Variants in FAF1 observed in about 807,000 individuals in gnomAD.
FAF1 encodes the protein FAS-associated factor 1.
FAF1 carries 25 observed loss-of-function variants against 92.5 expected under a neutral mutation model. That is an observed-to-expected ratio of 0.27 (90% CI 0.20 to 0.38). The LOEUF (loss-of-function observed/expected upper bound fraction) is 0.38. Among genes scored for constraint, FAF1 ranks in the 10% least tolerant of loss-of-function variants. The probability of loss-of-function intolerance (pLI) is 1.00; values close to 1 mark genes in which losing one functional copy is unlikely to be tolerated. For missense variants in FAF1, 636 were observed against 793.3 expected, an observed-to-expected ratio of 0.80 and a Z score of 2.38; for synonymous variants, 234 against 273.2, an observed-to-expected ratio of 0.86 and a Z score of 1.42.
intron 1 of FAF1, among the ~76,000 whole-genome samples, chr1:50,928,063 G>A (rs1340771459): frequency 6.6e-6 from 1 of 152,164 alleles, no homozygotes; most frequent in African/African-American, 2.4e-5. Context: ...TGATTTTGCT[G>A]AGGTGAGGAT....
intron 3 of FAF1, among the ~76,000 whole-genome samples, chr1:50,791,289 A>T (rs1661555392): frequency 6.6e-6 from 1 of 152,238 alleles, no homozygotes; most frequent in African/African-American, 2.4e-5. Flanking sequence ...AACTTCTCAG[A>T]ACTGAAGAAA....
At chr1:50,788,656 T>C (rs1051460409) in intron 3 of FAF1, among the ~76,000 whole-genome samples, 7 of 152,170 alleles carry the variant, frequency 4.6e-5, no homozygotes, top group African/African-American at 7.2e-5. Flanking sequence ...CACATCTCAG[T>C]GTTAAAAGGT....
chr1:50,825,813 T>A (rs1002949654), intron 2 of FAF1, among the ~76,000 whole-genome samples: 1 of 152,172 alleles, frequency 6.6e-6, no homozygotes, highest in Admixed American at 6.5e-5. Context: ...TGAAATCACA[T>A]AGTACATTTT....
At chr1:50,767,628 A>G (rs1204298628) in intron 4 of FAF1, among the ~76,000 whole-genome samples, 2 of 152,222 alleles carry the variant, frequency 1.3e-5, no homozygotes, top group South Asian at 2.1e-4. Context: ...CAGAAAACCT[A>G]TAAGCCAGAA....
chr1:50,912,934 T>C (rs930891279), intron 1 of FAF1, among the ~76,000 whole-genome samples: 1 of 152,260 alleles, frequency 6.6e-6, no homozygotes, highest in African/African-American at 2.4e-5. Context: ...ATTCCCTTCA[T>C]ATAACAAGTT....
At chr1:50,766,254 T>C (rs1172908981) in intron 4 of FAF1, among the ~76,000 whole-genome samples, 1 of 152,260 alleles carries the variant, frequency 6.6e-6, no homozygotes, top group Admixed American at 6.5e-5. Flanking sequence ...TCTATTAACA[T>C]GTTTTATAAT....
At chr1:50,916,160 G>A (rs571125318) in intron 1 of FAF1, among the ~76,000 whole-genome samples, 1 of 152,270 alleles carries the variant, frequency 6.6e-6, no homozygotes, top group East Asian at 1.9e-4. Flanking sequence ...ACAAAAGGGG[G>A]TCGTAGGAGG....
At chr1:50,591,674 G>GA (rs35426054) in intron 9 of FAF1, among the ~76,000 whole-genome samples, 72 of 93,606 alleles carry the variant, frequency 7.7e-4, no homozygotes, top group Non-Finnish European at 9.4e-4. Context: ...CTCCATCTCA[G>GA]AAAAAAAAAA....
chr1:50,948,534 CTTT>C (rs1167611825), intron 1 of FAF1, among the ~76,000 whole-genome samples: 6 of 139,034 alleles, frequency 4.3e-5, no homozygotes, highest in Admixed American at 1.4e-4. Flanking sequence ...TTTTCTTTTT[CTTT>C]TTTTTTTTTT....
At chr1:50,903,876 T>C (rs1237793674) in intron 1 of FAF1, among the ~76,000 whole-genome samples, 21 of 152,210 alleles carry the variant, frequency 1.4e-4, no homozygotes, top group Non-Finnish European at 1.6e-4. Context: ...ACATACAGGA[T>C]ACTTGGCTTC....
At chr1:50,446,405 CAA>C (rs976762463) in intron 18 of FAF1, among the ~76,000 whole-genome samples, 1 of 152,206 alleles carries the variant, frequency 6.6e-6, no homozygotes, top group African/African-American at 2.4e-5. Flanking sequence ...ATGCTCAAAA[CAA>C]ATGCTCTTTG....
chr1:50,599,750 A>G (rs1295564149), intron 8 of FAF1, among the ~76,000 whole-genome samples: 1 of 152,182 alleles, frequency 6.6e-6, no homozygotes, highest in African/African-American at 2.4e-5. Flanking sequence ...TGAATCAGCC[A>G]CTTTTTTTCA....
chr1:50,947,533 A>G (rs6695869), intron 1 of FAF1, among the ~76,000 whole-genome samples: 78,688 of 152,178 alleles, frequency 0.52, 22,300 homozygotes, highest in East Asian at 0.83. Flanking sequence ...CTAGTGATTT[A>G]ACATGGTGAA....
In FAF1 at chr1:50,889,717, G is replaced by A. The variant is rs186461338; in HGVS notation, c.46-31720C>T. ...TCCTCATTTCTAGTTTGATTGCACTGTGGTCTGAGAGACAGTTTGTTATAA... is the reference window on the plus strand; with the variant it reads ...TCCTCATTTCTAGTTTGATTGCACTATGGTCTGAGAGACAGTTTGTTATAA... On this transcript the variant is annotated intron_variant, in intron 1 of 18. Coordinates refer to ENST00000396153, the MANE Select transcript of FAF1 (RefSeq NM_007051.3). Among the ~76,000 whole-genome samples the A allele has an allele frequency of 3.9e-5, 6 of 152,336 alleles. No individual in the cohort carries two copies. In the East Asian group the frequency reaches 9.6e-4, roughly 24 times the overall value.
chr1:50,564,331 C>T (rs1038596113), intron 13 of FAF1, among the ~76,000 whole-genome samples: 8 of 149,346 alleles, frequency 5.4e-5, no homozygotes, highest in South Asian at 2.1e-4. Context: ...AGATATGGGA[C>T]GAGGCAAGCT....
intron 15 of FAF1, among the ~76,000 whole-genome samples, chr1:50,511,361 C>T (rs1647131619): frequency 1.3e-5 from 2 of 152,122 alleles, no homozygotes; most frequent in South Asian, 4.1e-4. Context: ...CCGTCATCTA[C>T]ATTAGGTATT....
At chr1:50,462,315 T>A (rs1255575951) in intron 18 of FAF1, 1 of 152,112 alleles carries the variant, frequency 6.6e-6, no homozygotes, top group Non-Finnish European at 1.5e-5. Flanking sequence ...CTGAAGCAGG[T>A]ATTGCTACTT....
At chr1:50,869,970 T>C (rs1417852047) in intron 1 of FAF1, among the ~76,000 whole-genome samples, 1 of 152,234 alleles carries the variant, frequency 6.6e-6, no homozygotes, top group Non-Finnish European at 1.5e-5. Flanking sequence ...GAAAGATTTA[T>C]TTTCATACCA....
chr1:50,715,791 C>T (rs1185967945), intron 6 of FAF1, among the ~76,000 whole-genome samples: 1 of 152,162 alleles, frequency 6.6e-6, no homozygotes, highest in African/African-American at 2.4e-5. Context: ...TTAGTTTATA[C>T]ATTTTACATA....
Sources: allele counts gnomAD v4.1 joint callset (sites outside exome capture counted in the v4.1 genomes callset), GRCh38; gene constraint gnomAD v4.1.1; transcripts MANE v1.5; gene names NCBI Gene and HGNC (gene_info 2026-07-23, HGNC 2026-07-21).